HMGCLL1: variants seen among roughly 807,000 people sequenced by gnomAD.
HMGCLL1 encodes 3-hydroxymethyl-3-methylglutaryl-CoA lyase, cytoplasmic.
HMGCLL1 carries 36 observed loss-of-function variants against 39.1 expected under a neutral mutation model. The observed-to-expected ratio is 0.92, with a 90% confidence interval of 0.71 to 1.22. The LOEUF is 1.22. Among genes scored for constraint, HMGCLL1 ranks in the 50% most tolerant of loss-of-function variants. HMGCLL1 has a pLI of 0.00. For missense variants in HMGCLL1, 451 were observed against 416.5 expected (o/e 1.08, Z -0.72); for synonymous variants, 149 against 144.0 (o/e 1.03, Z -0.25).
the HMGCLL1 span, among the ~76,000 whole-genome samples, chr6:55,650,118 TATATATATATATATATACACACAC>T: frequency 1.3e-3 from 107 of 81,302 alleles, 4 homozygotes; most frequent in Admixed American, 6.7e-3. Context: ...TATATATATA[TATATATATATATATATACACACAC>T]ACACACATAT....
chr6:55,578,218 C>G (rs1356509164), intron 1 of HMGCLL1, among the ~76,000 whole-genome samples: 5 of 152,098 alleles, frequency 3.3e-5, no homozygotes, highest in Non-Finnish European at 5.9e-5. Flanking sequence ...TAACAATTAT[C>G]AGTTATTTAA....
At chr6:55,558,659 C>G (rs1342776716) in intron 1 of HMGCLL1, among the ~76,000 whole-genome samples, 2 of 152,154 alleles carry the variant, frequency 1.3e-5, no homozygotes, top group Non-Finnish European at 1.5e-5. Context: ...AGCAGAGCCA[C>G]TGCTCCAAGA....
chr6:55,437,277 G>A (rs937395852), intron 8 of HMGCLL1, among the ~76,000 whole-genome samples: 5 of 151,892 alleles, frequency 3.3e-5, no homozygotes, highest in Non-Finnish European at 5.9e-5. Flanking sequence ...AGAACCTCAC[G>A]TAGAATGTGG....
chr6:55,542,016 T>C, intron 2 of HMGCLL1, 44 bp downstream of exon 2: 2 of 1,246,708 alleles, frequency 1.6e-6, no homozygotes, highest in Non-Finnish European at 2.3e-6. Flanking sequence ...ATCTTAAATT[T>C]ATTAATTTGT....
chr6:55,616,287 G>C, the HMGCLL1 span, among the ~76,000 whole-genome samples: 12 of 152,096 alleles, frequency 7.9e-5, no homozygotes, highest in Non-Finnish European at 1.5e-4. Context: ...TTGATCTCTT[G>C]ATCTCTTGGA....
intron 1 of HMGCLL1, among the ~76,000 whole-genome samples, chr6:55,573,702 A>T (rs1039302872): frequency 6.6e-6 from 1 of 152,128 alleles, no homozygotes; most frequent in African/African-American, 2.4e-5. Flanking sequence ...GCACAGAGAA[A>T]GTTCTAATAT....
chr6:55,481,424 G>T (rs1321837821), intron 7 of HMGCLL1, among the ~76,000 whole-genome samples: 1 of 151,950 alleles, frequency 6.6e-6, no homozygotes, highest in Non-Finnish European at 1.5e-5. Flanking sequence ...GCAATACAAA[G>T]AAAGGATAAA....
the HMGCLL1 span, among the ~76,000 whole-genome samples, chr6:55,595,564 T>A: frequency 6.6e-6 from 1 of 152,316 alleles, no homozygotes; most frequent in Non-Finnish European, 1.5e-5. Flanking sequence ...AAATCTGACT[T>A]TATTGTGAAT....
the HMGCLL1 span, among the ~76,000 whole-genome samples, chr6:55,614,424 T>C: frequency 6.6e-6 from 1 of 152,090 alleles, no homozygotes; most frequent in South Asian, 2.1e-4. Context: ...TCCAGCATCT[T>C]AATCTGAGAT....
At chr6:55,540,023 AGGGAGG>A (rs1561947179) in intron 3 of HMGCLL1, among the ~76,000 whole-genome samples, 3 of 20,712 alleles carry the variant, frequency 1.4e-4, no homozygotes. Flanking sequence ...GGAGGGAGGG[AGGGAGG>A]GAGGGAGGGA....
At chr6:55,547,302 G>C (rs1354357302) in intron 1 of HMGCLL1, among the ~76,000 whole-genome samples, 1 of 151,966 alleles carries the variant, frequency 6.6e-6, no homozygotes, top group Non-Finnish European at 1.5e-5. Flanking sequence ...GAAATATTTA[G>C]AGTGTGTGTG....
At chr6:55,617,784 C>T in the HMGCLL1 span, among the ~76,000 whole-genome samples, 3 of 151,998 alleles carry the variant, frequency 2.0e-5, no homozygotes, top group African/African-American at 7.2e-5. Flanking sequence ...GAGCTCCATG[C>T]CCTAGGGAAA....
chr6:55,570,928 C>T (rs540761824), intron 1 of HMGCLL1, among the ~76,000 whole-genome samples: 85 of 152,256 alleles, frequency 5.6e-4, no homozygotes, highest in South Asian at 1.9e-3. Flanking sequence ...TCTTACATGG[C>T]GGCAGGCGAG....
chr6:55,555,413 C>T (rs1347280888), intron 1 of HMGCLL1, among the ~76,000 whole-genome samples: 1 of 152,184 alleles, frequency 6.6e-6, no homozygotes, highest in Non-Finnish European at 1.5e-5. Context: ...CTTTATTATG[C>T]TTCTAGCACT....
chr6:55,658,895 G>A, the HMGCLL1 span, among the ~76,000 whole-genome samples: 1 of 151,858 alleles, frequency 6.6e-6, no homozygotes, highest in Non-Finnish European at 1.5e-5. Context: ...TCAAAGCACA[G>A]CGACCCAGAC....
At chr6:55,558,091 T>A (rs1216489295) in intron 1 of HMGCLL1, among the ~76,000 whole-genome samples, 10 of 152,158 alleles carry the variant, frequency 6.6e-5, no homozygotes, top group Admixed American at 6.5e-4. Context: ...AAAGCACATC[T>A]TATAGGTAGG....
the HMGCLL1 span, among the ~76,000 whole-genome samples, chr6:55,625,443 C>T: frequency 6.6e-6 from 1 of 152,074 alleles, no homozygotes; most frequent in Non-Finnish European, 1.5e-5. Flanking sequence ...CCAGCCTGCA[C>T]CAATGGCCTC....
chr6:55,630,058 G>A, the HMGCLL1 span, among the ~76,000 whole-genome samples: 4 of 152,162 alleles, frequency 2.6e-5, no homozygotes, highest in Non-Finnish European at 5.9e-5. Context: ...CCAGACCACA[G>A]AATGGCAGAT....
intron 3 of HMGCLL1, among the ~76,000 whole-genome samples, chr6:55,535,763 C>G (rs1160796565): frequency 6.6e-6 from 1 of 152,124 alleles, no homozygotes; most frequent in Admixed American, 6.5e-5. Context: ...ATGGATGAGT[C>G]TTACTCTGGA....
Sources: allele counts gnomAD v4.1 joint callset (sites outside exome capture counted in the v4.1 genomes callset), GRCh38; gene constraint gnomAD v4.1.1; transcripts MANE v1.5; gene names NCBI Gene and HGNC (gene_info 2026-07-23, HGNC 2026-07-21).